Variants in GLRB observed in about 807,000 individuals in gnomAD.
The protein encoded by GLRB is glycine receptor subunit beta.
A neutral mutation model predicts 54.2 loss-of-function variants in GLRB; 33 were observed. The ratio of observed to expected loss-of-function variants is 0.61; its 90% CI spans 0.46 to 0.81. The LOEUF (loss-of-function observed/expected upper bound fraction) is 0.81, where lower values mean the gene tolerates loss of function less well. GLRB is among the 40% of genes least tolerant of loss of function. GLRB has a pLI of 0.00. For missense variants in GLRB, 572 were observed against 584.6 expected, an observed-to-expected ratio of 0.98 and a Z score of 0.22; for synonymous variants, 209 against 208.2, an observed-to-expected ratio of 1.00 and a Z score of -0.03.
rs757896029 is a variant in GLRB, at chr4:157,152,871, T to C, written c.1058T>C (p.Met353Thr). The C allele has an allele frequency of 6.2e-7, 1 of 1,614,070 alleles. No homozygotes were observed. Among genetic ancestry groups the C allele is most frequent in the East Asian group, 2.2e-5 (1 of 44,858 alleles). Residue 353 changes from methionine (M) to threonine (T), a missense_variant, in exon 9 of 10, where the codon ATG (methionine) becomes ACG (threonine). Physicochemically the swap from Met to Thr is moderately conservative, Grantham distance 81. Coordinates refer to ENST00000264428, the MANE Select transcript of GLRB (RefSeq NM_000824.5). ...SLVEYAVVQV[M>T]LNNPKRVEAE... ...GTGGAGTATGCAGTTGTCCAGGTGA[T>C]GCTGAACAACCCCAAAAGGGTTGAA...
chr4:157,166,816 A>T (rs1298322658), intron 9 of GLRB, among the ~76,000 whole-genome samples: 1 of 152,128 alleles, frequency 6.6e-6, no homozygotes, highest in Non-Finnish European at 1.5e-5. Context: ...TACTATAAGT[A>T]ATCTCTGTGA....
In GLRB at chr4:157,078,261, T is replaced by C. The variant is rs567448816; in HGVS notation, c.122+115T>C. 12 of 1,533,798 alleles carry C rather than the reference T, an allele frequency of 7.8e-6. No individual in the cohort carries two copies. The African/African-American group carries it at 1.5e-4, about 19-fold the overall frequency. On this transcript the variant is annotated intron_variant, in intron 2 of 9. Transcript: ENST00000264428. ...AAAACTTTTCATATCGGAATGTATA[T>C]CCATCTGTTACAGAGACAGAAAATG...
chr4:157,097,707 A>G (rs1291583470), intron 2 of GLRB, among the ~76,000 whole-genome samples: 1 of 152,176 alleles, frequency 6.6e-6, no homozygotes, highest in Non-Finnish European at 1.5e-5. Context: ...AGACAAACAA[A>G]TAGAGCATTT....
At chr4:157,084,697 A>G (rs1457178664) in intron 2 of GLRB, 1 of 456,074 alleles carries the variant, frequency 2.2e-6, no homozygotes. Context: ...CAGCATTTTC[A>G]TACTTCAGTC....
intron 4 of GLRB, among the ~76,000 whole-genome samples, chr4:157,134,629 T>C (rs1321412753): frequency 6.6e-6 from 1 of 152,158 alleles, no homozygotes; most frequent in Non-Finnish European, 1.5e-5. Context: ...ATTCTAACTC[T>C]GGAAGCCACA....
At chr4:157,142,694 A>G (rs1206879684) in intron 7 of GLRB, among the ~76,000 whole-genome samples, 1 of 152,150 alleles carries the variant, frequency 6.6e-6, no homozygotes, top group Non-Finnish European at 1.5e-5. Context: ...AAAAAGTAAC[A>G]TTATTCTTTC....
intron 7 of GLRB, 68 bp from the exon 8 acceptor site, chr4:157,143,739 C>G (rs957880072): frequency 2.7e-6 from 4 of 1,455,176 alleles, no homozygotes; most frequent in Non-Finnish European, 3.8e-6. Context: ...GTTTCCAGGT[C>G]TGTCATTGAT....
At chr4:157,109,899 G>A (rs1474372279) in intron 2 of GLRB, among the ~76,000 whole-genome samples, 7 of 151,962 alleles carry the variant, frequency 4.6e-5, no homozygotes, top group South Asian at 2.1e-4. Flanking sequence ...TAAAGCTTCC[G>A]TGCCCTCTCT....
In GLRB at chr4:157,136,553, C is replaced by T; in HGVS notation, c.382C>T (p.Leu128=). ...CAGTGATTTTAGGGGTTCAGATGCA[C>T]TGACAGTGGATCCAACAATGTACAA... ...LPSDFRGSDA[L]TVDPTMYKCL... The change falls in exon 5 of 10, where the codon CTG becomes TTG. Residue 128 remains leucine, a synonymous_variant. Transcript: ENST00000264428. The T allele has an allele frequency of 6.2e-7, 1 of 1,612,322 alleles. No homozygotes were observed. Among genetic ancestry groups the T allele is most frequent in the Non-Finnish European group, 8.5e-7 (1 of 1,178,418 alleles).
At position 157,136,811 on chromosome 4, in the gene GLRB, A is replaced by G. The variant is rs1305631151; in HGVS notation, c.535A>G (p.Ile179Val). 1.9e-6 allele frequency: 3 copies of G among 1,606,616 alleles called. No homozygotes were observed. Among genetic ancestry groups the G allele is most frequent in the South Asian group, 1.1e-5 (1 of 90,936 alleles). ...ACCCATTTCTGCTTCCAGGTTATCT[A>G]TTACTCTTTCATGCCCTTTGGACTT... ...GDVLVSMRLS[I>V]TLSCPLDLTL... Residue 179 changes from isoleucine to valine, a missense_variant, in exon 6 of 10, where the codon ATT (isoleucine) becomes GTT (valine). Physicochemically the swap from Ile to Val is conservative, Grantham distance 29. Coordinates refer to ENST00000264428, the MANE Select transcript of GLRB (RefSeq NM_000824.5).
chr4:157,147,056 A>T (rs1248650428), intron 8 of GLRB, among the ~76,000 whole-genome samples: 1 of 152,168 alleles, frequency 6.6e-6, no homozygotes, highest in Non-Finnish European at 1.5e-5. Context: ...TGCTTTAGAC[A>T]CGTTAAGGTT....
chr4:157,118,829 A>G (rs1284447074), intron 2 of GLRB, among the ~76,000 whole-genome samples: 1 of 151,616 alleles, frequency 6.6e-6, no homozygotes, highest in African/African-American at 2.4e-5. Flanking sequence ...ATAAATTAAT[A>G]TAATTTATGA....
intron 8 of GLRB, among the ~76,000 whole-genome samples, chr4:157,146,250 C>T (rs555972473): frequency 4.2e-4 from 64 of 151,854 alleles, no homozygotes; most frequent in Non-Finnish European, 8.5e-4. Context: ...CTGCTGACCC[C>T]GTGATCTGCC....
intron 2 of GLRB, among the ~76,000 whole-genome samples, chr4:157,095,027 C>T (rs1280820770): frequency 2.0e-5 from 3 of 152,146 alleles, no homozygotes; most frequent in Admixed American, 6.5e-5. Flanking sequence ...TTCAGCACCA[C>T]ATAGATTGGA....
chr4:157,118,702 C>T (rs542234497), intron 2 of GLRB, among the ~76,000 whole-genome samples: 2 of 151,600 alleles, frequency 1.3e-5, no homozygotes, highest in East Asian at 3.9e-4. Flanking sequence ...TATATCTCAC[C>T]TACAATGGTT....
At chr4:157,085,276 T>C (rs991743865) in intron 2 of GLRB, among the ~76,000 whole-genome samples, 5 of 152,186 alleles carry the variant, frequency 3.3e-5, no homozygotes, top group African/African-American at 9.7e-5. Flanking sequence ...GATCTAATTC[T>C]GTCATCCAGG....
rs1263251837 is a variant in GLRB at position 157,157,297 on chromosome 4, A to G, written c.1197+4287A>G. 2.0e-5 allele frequency among the ~76,000 whole-genome samples: 3 copies of G among 152,138 alleles called. No individual in the cohort carries two copies. The East Asian group carries it at 5.8e-4, about 29-fold the overall frequency. On this transcript the variant is annotated intron_variant, in intron 9 of 9. Coordinates refer to ENST00000264428, the MANE Select transcript of GLRB (RefSeq NM_000824.5). ...TCTACAGTGATGGAAGTCCTCAATC[A>G]CCACTTGACACTATACTTCAGTGTG...
intron 8 of GLRB, among the ~76,000 whole-genome samples, chr4:157,152,168 T>C (rs781577095): frequency 2.8e-4 from 43 of 152,190 alleles, no homozygotes; most frequent in Non-Finnish European, 5.1e-4. Flanking sequence ...TTCATACCTT[T>C]CTTTGGAAAT....
rs79377432 is a variant in GLRB, at chr4:157,101,422, G to A, written c.123-19134G>A. 7.7e-3 allele frequency among the ~76,000 whole-genome samples: 1,178 copies of A among 152,068 alleles called. 23 individuals carry two copies. In the East Asian group the frequency reaches 0.1, roughly 13 times the overall value. On this transcript the variant is annotated intron_variant, in intron 2 of 9. Transcript: ENST00000264428. ...CAGATACATAAGAACATTGTTCTCA[G>A]TTTTTAACTTGAAACTTTTAAGGAG...
Sources: gnomAD v4.1 joint callset for allele counts (sites outside exome capture counted in the v4.1 genomes callset) on GRCh38, gnomAD v4.1.1 for gene constraint, MANE v1.5 for transcripts, NCBI Gene and HGNC (gene_info 2026-07-23, HGNC 2026-07-21) for gene names.